Variants in COL24A1 observed in about 807,000 individuals in gnomAD.
The protein encoded by COL24A1 is collagen type XXIV alpha 1 chain.
In COL24A1, 224 loss-of-function variants were observed where a neutral mutation model predicts 253.9. That is an observed-to-expected ratio of 0.88 (90% confidence interval 0.79 to 0.99). COL24A1 has a LOEUF of 0.99. Among genes scored for constraint, COL24A1 ranks in the 50% least tolerant of loss-of-function variants. The pLI is 0.00. For missense variants in COL24A1, 2,131 were observed against 2,068.5 expected, an observed-to-expected ratio of 1.03 and a Z score of -0.59; for synonymous variants, 685 against 673.7, an observed-to-expected ratio of 1.02 and a Z score of -0.26.
intron 47 of COL24A1, among the ~76,000 whole-genome samples, chr1:85,809,545 T>A (rs371354296): frequency 3.9e-5 from 6 of 151,968 alleles, no homozygotes; most frequent in African/African-American, 1.2e-4. Context: ...GGAATAATAG[T>A]TTGGGGGCAC....
chr1:85,759,727 T>C (rs1280691397), intron 55 of COL24A1, among the ~76,000 whole-genome samples: 6 of 152,234 alleles, frequency 3.9e-5, no homozygotes, highest in Non-Finnish European at 8.8e-5. Flanking sequence ...TTAATCCACA[T>C]TTTGCTCTGA....
chr1:85,784,488 A>T, intron 48 of COL24A1, 122 bp from the exon 49 acceptor site: 2 of 631,510 alleles, frequency 3.2e-6, no homozygotes, highest in Non-Finnish European at 2.7e-6. Flanking sequence ...GCACTGGGGA[A>T]ATCAAATTTT....
chr1:85,962,746 A>G (rs1691196438), intron 23 of COL24A1, among the ~76,000 whole-genome samples: 1 of 152,200 alleles, frequency 6.6e-6, no homozygotes, highest in South Asian at 2.1e-4. Context: ...CATTTAGTGT[A>G]CAGAAACAGA....
At chr1:86,065,779 G>C (rs145879804) in intron 7 of COL24A1, among the ~76,000 whole-genome samples, 3,016 of 146,666 alleles carry the variant, frequency 0.021, 36 homozygotes, top group Middle Eastern at 0.058. Flanking sequence ...AAAAAAGAGA[G>C]AGACAAGCTG....
chr1:86,067,153 A>G (rs1489502168), intron 7 of COL24A1, among the ~76,000 whole-genome samples: 7 of 152,020 alleles, frequency 4.6e-5, no homozygotes, highest in Non-Finnish European at 8.8e-5. Flanking sequence ...AAGAAGAAAA[A>G]AAAAAAAAGA....
chr1:85,783,770 A>G (rs1343578221), intron 50 of COL24A1, among the ~76,000 whole-genome samples: 1 of 152,198 alleles, frequency 6.6e-6, no homozygotes, highest in Non-Finnish European at 1.5e-5. Context: ...ATGGATAAGC[A>G]CAATAATGCC....
At chr1:85,870,237 C>G (rs901110313) in intron 35 of COL24A1, among the ~76,000 whole-genome samples, 1 of 152,132 alleles carries the variant, frequency 6.6e-6, no homozygotes, top group African/African-American at 2.4e-5. Context: ...GACTCCCACA[C>G]AATAATAATG....
intron 53 of COL24A1, among the ~76,000 whole-genome samples, chr1:85,772,498 A>T (rs984800420): frequency 2.0e-5 from 3 of 151,998 alleles, no homozygotes. Context: ...CTATAAAGAC[A>T]CATGCACACG....
chr1:85,891,316 G>A (rs975086016), intron 31 of COL24A1, among the ~76,000 whole-genome samples: 1 of 149,502 alleles, frequency 6.7e-6, no homozygotes. Flanking sequence ...CACCCGCCTT[G>A]GCCTCCCAAA....
intron 47 of COL24A1, among the ~76,000 whole-genome samples, chr1:85,800,655 T>A (rs1671332966): frequency 6.6e-6 from 1 of 152,144 alleles, no homozygotes; most frequent in Non-Finnish European, 1.5e-5. Context: ...TGTTGGACAT[T>A]GAACACTATT....
chr1:85,736,216 GAGACT>G, intron 58 of COL24A1: 1 of 437,500 alleles, frequency 2.3e-6, no homozygotes, highest in Non-Finnish European at 4.6e-6. Flanking sequence ...TCATAGAATA[GAGACT>G]AGAACCCCAG....
intron 2 of COL24A1, among the ~76,000 whole-genome samples, chr1:86,144,852 G>T (rs1651655511): frequency 2.0e-5 from 3 of 151,970 alleles, no homozygotes; most frequent in Non-Finnish European, 4.4e-5. Context: ...CATTCTAATA[G>T]CACAGTGACT....
intron 18 of COL24A1, among the ~76,000 whole-genome samples, 190 bp downstream of exon 18, chr1:86,022,050 G>A (rs1464698222): frequency 6.6e-6 from 1 of 152,124 alleles, no homozygotes; most frequent in Non-Finnish European, 1.5e-5. Flanking sequence ...TTTGGCCTAG[G>A]GTTGGGAGTA....
intron 51 of COL24A1, among the ~76,000 whole-genome samples, chr1:85,782,835 CT>C (rs1057412395): frequency 6.6e-6 from 1 of 151,986 alleles, no homozygotes; most frequent in Non-Finnish European, 1.5e-5. Context: ...TTTTTTTCAG[CT>C]TTTTTTCAGT....
intron 7 of COL24A1, among the ~76,000 whole-genome samples, chr1:86,067,251 T>C (rs978719293): frequency 2.0e-5 from 3 of 152,046 alleles, no homozygotes; most frequent in African/African-American, 4.8e-5. Context: ...TCTTTAATGC[T>C]CTAAAACAAA....
intron 7 of COL24A1, among the ~76,000 whole-genome samples, chr1:86,067,150 AAAAAAAAAAAAG>A (rs1008075201): frequency 3.5e-5 from 5 of 142,630 alleles, no homozygotes; most frequent in African/African-American, 1.3e-4. Context: ...AAAAAGAAGA[AAAAAAAAAAAAG>A]AGTTACTTCA....
chr1:85,767,113 AAT>A (rs1667465009), intron 53 of COL24A1, among the ~76,000 whole-genome samples: 2 of 151,162 alleles, frequency 1.3e-5, no homozygotes, highest in African/African-American at 2.4e-5. Context: ...CAATAATAAT[AAT>A]AATAATAATA....
At chr1:85,831,761 T>C (rs1675317037) in intron 43 of COL24A1, among the ~76,000 whole-genome samples, 1 of 151,932 alleles carries the variant, frequency 6.6e-6, no homozygotes, top group African/African-American at 2.4e-5. Flanking sequence ...GGCAATAGCA[T>C]GGGAAATAAA....
At chr1:86,073,187 G>A (rs1701993221) in intron 7 of COL24A1, among the ~76,000 whole-genome samples, 1 of 152,126 alleles carries the variant, frequency 6.6e-6, no homozygotes, top group South Asian at 2.1e-4. Context: ...CAAGCTAAAG[G>A]AGCATGTTCT....
Sources: gnomAD v4.1 joint callset for allele counts (sites outside exome capture counted in the v4.1 genomes callset) on GRCh38, gnomAD v4.1.1 for gene constraint, MANE v1.5 for transcripts, NCBI Gene and HGNC (gene_info 2026-07-23, HGNC 2026-07-21) for gene names.